Variants in ADCY5 observed in about 807,000 individuals in gnomAD.
ADCY5 encodes adenylate cyclase type 5.
A neutral mutation model predicts 119.7 loss-of-function variants in ADCY5; 30 were observed. The ratio of observed to expected loss-of-function variants is 0.25; its 90% CI spans 0.19 to 0.34. The LOEUF (loss-of-function observed/expected upper bound fraction) is 0.34, where lower values mean the gene tolerates loss of function less well. Ranked by LOEUF, ADCY5 falls within the 10% of genes least tolerant of loss-of-function variation. The pLI is 1.00. For synonymous variants in ADCY5, 753 were observed against 762.2 expected (o/e 0.99, Z 0.20); for missense variants, 1,324 against 1,775.2 (o/e 0.75, Z 4.57).
At chr3:123,328,493 C>T in intron 6 of ADCY5, 151 bp downstream of exon 6, 3 of 879,092 alleles carry the variant, frequency 3.4e-6, no homozygotes, top group Non-Finnish European at 3.5e-6. Context: ...TTTCTACTTC[C>T]ACTGTGCTCA....
At chr3:123,436,503 C>G (rs575665054) in intron 1 of ADCY5, among the ~76,000 whole-genome samples, 1 of 152,030 alleles carries the variant, frequency 6.6e-6, no homozygotes, top group Non-Finnish European at 1.5e-5. Context: ...GTCAGGAGTT[C>G]GAGACCAGCC....
rs1448073292 is a variant in ADCY5 at position 123,284,101 on chromosome 3, C to G, written c.*507G>C. The G allele has an allele frequency of 6.4e-6, 1 of 155,116 alleles. No homozygotes were observed. The highest frequency in any genetic ancestry group is 1.9e-4 in the East Asian group (1 of 5,268). 9.6% of individuals were successfully genotyped at this position (155,116 alleles called of 1,614,324 possible). On this transcript the variant is annotated 3_prime_UTR_variant, in exon 21 of 21. Transcript: ENST00000462833. ...ACCACGATGAAGGCCACAGTCCCTCCAAAGCCAGCACTCCTGTGCCAAAGC... is the reference window on the plus strand; with the variant it reads ...ACCACGATGAAGGCCACAGTCCCTCGAAAGCCAGCACTCCTGTGCCAAAGC...
intron 1 of ADCY5, among the ~76,000 whole-genome samples, chr3:123,389,893 G>A (rs767311798): frequency 2.1e-5 from 3 of 141,188 alleles, no homozygotes; most frequent in African/African-American, 8.3e-5. Context: ...TGCAGTGCTC[G>A]CTGGGGAGCT....
At chr3:123,401,089 C>A (rs1294864712) in intron 1 of ADCY5, among the ~76,000 whole-genome samples, 2 of 152,102 alleles carry the variant, frequency 1.3e-5, no homozygotes, top group Non-Finnish European at 2.9e-5. Context: ...GAAGATAATT[C>A]ATTGTAACGC....
chr3:123,345,300 C>T (rs568834948), intron 3 of ADCY5, among the ~76,000 whole-genome samples: 8 of 152,342 alleles, frequency 5.3e-5, no homozygotes, highest in Middle Eastern at 3.4e-3. Flanking sequence ...CAGGGGTGGC[C>T]GGTGAGCCGG....
intron 19 of ADCY5, among the ~76,000 whole-genome samples, chr3:123,289,036 T>A (rs1405156855): frequency 6.6e-6 from 1 of 152,218 alleles, no homozygotes; most frequent in Non-Finnish European, 1.5e-5. Flanking sequence ...CACTGACCCA[T>A]TTCATAACTT....
At chr3:123,325,301 G>T in intron 8 of ADCY5, 21 bp downstream of exon 8, 1 of 1,613,472 alleles carries the variant, frequency 6.2e-7, no homozygotes, top group Non-Finnish European at 8.5e-7. Context: ...TTGCCCACAG[G>T]CTGCCCCACC....
intron 1 of ADCY5, among the ~76,000 whole-genome samples, chr3:123,443,322 A>G (rs1334566895): frequency 6.6e-6 from 1 of 152,144 alleles, no homozygotes; most frequent in Non-Finnish European, 1.5e-5. Context: ...CAGGACCAGA[A>G]AAGCAAACGG....
At chr3:123,324,867 A>G (rs1186294133) in intron 8 of ADCY5, among the ~76,000 whole-genome samples, 3 of 152,250 alleles carry the variant, frequency 2.0e-5, no homozygotes, top group Non-Finnish European at 2.9e-5. Context: ...GCACTAGGAT[A>G]GTTTCTGAGC....
chr3:123,322,186 G>A, intron 8 of ADCY5, among the ~76,000 whole-genome samples: 1 of 152,234 alleles, frequency 6.6e-6, no homozygotes, highest in Non-Finnish European at 1.5e-5. Context: ...GCTCCCTGTG[G>A]AAGACCCCCT....
chr3:123,357,421 A>C (rs1043239636), intron 1 of ADCY5, among the ~76,000 whole-genome samples: 3 of 152,096 alleles, frequency 2.0e-5, no homozygotes, highest in African/African-American at 7.2e-5. Context: ...CTCTGTACTA[A>C]TCCTCCGGGT....
chr3:123,306,749 C>T (rs770962512), intron 12 of ADCY5, among the ~76,000 whole-genome samples: 7 of 152,146 alleles, frequency 4.6e-5, no homozygotes, highest in Non-Finnish European at 8.8e-5. Flanking sequence ...GGGTATATCC[C>T]CCAAAGAATC....
chr3:123,445,252 G>A (rs1397287438), intron 1 of ADCY5, among the ~76,000 whole-genome samples: 1 of 152,156 alleles, frequency 6.6e-6, no homozygotes, highest in Non-Finnish European at 1.5e-5. Context: ...GAAGGGAGAG[G>A]GATTTGCCTA....
chr3:123,402,288 C>A (rs1326845099), intron 1 of ADCY5, among the ~76,000 whole-genome samples: 1 of 152,184 alleles, frequency 6.6e-6, no homozygotes, highest in Non-Finnish European at 1.5e-5. Context: ...AGGAGGAAAA[C>A]CCTCGACTCT....
intron 1 of ADCY5, among the ~76,000 whole-genome samples, chr3:123,357,592 C>T (rs1042740191): frequency 1.3e-5 from 2 of 152,124 alleles, no homozygotes; most frequent in African/African-American, 4.8e-5. Context: ...AAACACAAAA[C>T]CAGGCAGGCA....
chr3:123,355,753 T>C (rs1943017112), intron 1 of ADCY5, among the ~76,000 whole-genome samples: 2 of 152,152 alleles, frequency 1.3e-5, no homozygotes, highest in South Asian at 4.2e-4. Context: ...AATGGAGAGA[T>C]ATACCATGTA....
chr3:123,419,843 G>A (rs1011765200), intron 1 of ADCY5, among the ~76,000 whole-genome samples: 8 of 151,738 alleles, frequency 5.3e-5, no homozygotes, highest in South Asian at 2.1e-4. Flanking sequence ...CCTCCGAGTC[G>A]CTCTTCCCAC....
chr3:123,307,576 C>T (rs911133691), intron 12 of ADCY5, among the ~76,000 whole-genome samples: 5 of 152,172 alleles, frequency 3.3e-5, no homozygotes, highest in Admixed American at 2.0e-4. Flanking sequence ...GGATCTTAGT[C>T]TGAAATGGTA....
intron 19 of ADCY5, among the ~76,000 whole-genome samples, chr3:123,289,537 G>T (rs1697116077): frequency 6.6e-6 from 1 of 152,258 alleles, no homozygotes; most frequent in South Asian, 2.1e-4. Context: ...AGGCAGCAGA[G>T]GCATCGCCAG....
Sources: gnomAD v4.1 joint callset for allele counts (sites outside exome capture counted in the v4.1 genomes callset) on GRCh38, gnomAD v4.1.1 for gene constraint, MANE v1.5 for transcripts, NCBI Gene and HGNC (gene_info 2026-07-23, HGNC 2026-07-21) for gene names.